Variants in LGI3 observed in about 807,000 individuals in gnomAD.
The protein encoded by LGI3 is leucine rich repeat LGI family member 3, also known as leucine-rich repeat LGI family member 3.
A neutral mutation model predicts 55.4 loss-of-function variants in LGI3; 47 were observed. The ratio of observed to expected loss-of-function variants is 0.85; its 90% confidence interval spans 0.67 to 1.08. The LOEUF (loss-of-function observed/expected upper bound fraction) is 1.08. Among genes scored for constraint, LGI3 ranks in the 50% least tolerant of loss-of-function variants. LGI3 has a pLI of 0.00. For missense variants in LGI3, 664 were observed against 726.3 expected, an observed-to-expected ratio of 0.91 and a Z score of 0.99; for synonymous variants, 326 against 315.0, an observed-to-expected ratio of 1.04 and a Z score of -0.37.
rs1827504005 is a variant in LGI3 at position 22,156,480 on chromosome 8, G to T, written c.63C>A (p.Gly21=). The T allele has an allele frequency of 5.5e-6, 8 of 1,441,450 alleles. No individual in the cohort carries two copies. The highest frequency in any genetic ancestry group is 7.3e-6 in the Non-Finnish European group (8 of 1,098,978). The allele number at this position is 1,441,450 out of a possible 1,614,324, so 89.3% of individuals were successfully genotyped here. A position where few individuals can be genotyped will look rare whatever the true frequency, so the allele number is the denominator to read the frequency against. ...GPGLLALSAL[G]FCLMLQVSAK... ...CGCTGACTTGCAGCATGAGGCAGAA[G>T]CCGAGCGCGGAGAGCGCCAGCAGCC... The change falls in exon 1 of 8, where the codon GGC becomes GGA. Residue 21 remains glycine, a synonymous_variant. Coordinates refer to ENST00000306317, the MANE Select transcript of LGI3 (RefSeq NM_139278.4).
In LGI3 at chr8:22,148,041, A is replaced by T. The variant is rs1827327818; in HGVS notation, c.*119T>A. The T allele has an allele frequency of 3.6e-6, 3 of 841,374 alleles. No individual in the cohort carries two copies. The East Asian group carries it at 7.3e-5, about 20-fold the overall frequency. 52.1% of individuals were successfully genotyped at this position (841,374 alleles called of 1,614,324 possible). A position where few individuals can be genotyped will look rare whatever the true frequency, so the allele number is the denominator to read the frequency against. ...GCCTGTACACACTGGGCGTGTGCGG[A>T]TACAAGGGCATGAATGCAGGTTGGT... On this transcript the variant is annotated 3_prime_UTR_variant, in exon 8 of 8. Coordinates refer to ENST00000306317, the MANE Select transcript of LGI3 (RefSeq NM_139278.4). The surrounding 1 kb of genome is among the most constrained non-coding windows in gnomAD (Gnocchi z 7.0).
At chr8:22,155,093 G>C in intron 2 of LGI3, 1 of 476,510 alleles carries the variant, frequency 2.1e-6, no homozygotes, top group South Asian at 2.5e-5. Flanking sequence ...CCCACCTTGG[G>C]CACTAGCCCA....
At position 22,156,323 on chromosome 8, in the gene LGI3, G is replaced by T. The variant is rs1827499022; in HGVS notation, c.206+14C>A. 2 of 1,610,470 alleles carry T rather than the reference G, an allele frequency of 1.2e-6. No individual in the cohort carries two copies. Among genetic ancestry groups the T allele is most frequent in the Non-Finnish European group, 1.7e-6 (2 of 1,179,212 alleles). ...CTCCCTCCCCAACCCCCAAGGCCAG[G>T]GCTGGACACTCACAGGGAGATGACC... On this transcript the variant is annotated intron_variant, in intron 1 of 7. Coordinates refer to ENST00000306317, the MANE Select transcript of LGI3 (RefSeq NM_139278.4).
Position 22,148,585 on chromosome 8 carries a change from G to T in LGI3, c.1222C>A (p.Gln408Lys). 1 of 1,613,922 alleles carries T rather than the reference G, an allele frequency of 6.2e-7. No individual in the cohort carries two copies. ...TCACCCTGGGCCACAAACTGCTTCTGGGTGCGACTCCACTGATAGATGACG... is the reference window on the plus strand; with the variant it reads ...TCACCCTGGGCCACAAACTGCTTCTTGGTGCGACTCCACTGATAGATGACG... ...APVIYQWSRT[Q>K]KQFVAQGEVT... Residue 408 changes from glutamine (Q) to lysine (K), a missense_variant, in exon 8 of 8, where the codon CAG (glutamine) becomes AAG (lysine). Gln to Lys is a moderately conservative substitution (Grantham distance 53, BLOSUM62 1). Transcript: ENST00000306317. This position sits in a 1 kb window ranked among gnomAD's most constrained non-coding sequence, Gnocchi z 7.0.
chr8:22,150,242 G>A (rs748090480), intron 7 of LGI3, among the ~76,000 whole-genome samples: 1 of 151,960 alleles, frequency 6.6e-6, no homozygotes, highest in Admixed American at 6.6e-5. Context: ...TTAGGAGAAG[G>A]TGTTTTGTTT....
At chr8:22,154,433 G>A in intron 3 of LGI3, 127 bp downstream of exon 3, 1 of 888,126 alleles carries the variant, frequency 1.1e-6, no homozygotes, top group Non-Finnish European at 1.9e-6. Flanking sequence ...GGATGCAAGG[G>A]CTCTCGCCTC....
chr8:22,154,386 G>T, intron 3 of LGI3, 173 bp from the exon 4 acceptor site: 2 of 773,682 alleles, frequency 2.6e-6, no homozygotes. Flanking sequence ...GAGGCAAAAT[G>T]AATGAAACGA....
chr8:22,154,133 C>T lies in LGI3; in HGVS notation c.422+9G>A, dbSNP rs765325212. On this transcript the variant is annotated intron_variant, in intron 4 of 7. Transcript: ENST00000306317. Reference sequence around the variant, plus strand: ...TTTGGTGCAGTGTGTGTATGTGTGACGTACTCACAGGTGAGTCAAGGACTT... The same window carrying T: ...TTTGGTGCAGTGTGTGTATGTGTGATGTACTCACAGGTGAGTCAAGGACTT... The T allele has an allele frequency of 1.1e-5, 17 of 1,611,926 alleles. No homozygotes were observed. The highest frequency in any genetic ancestry group is 2.2e-5 in the South Asian group (2 of 91,054).
Position 22,148,568 on chromosome 8 carries a change from G to A in LGI3, c.1239C>T (p.Ala413=), listed in dbSNP as rs550293139. ...CAGGCACCTGGGTCACCTCACCCTG[G>A]GCCACAAACTGCTTCTGGGTGCGAC... ...QWSRTQKQFV[A]QGEVTQVPDA... Residue 413 remains alanine (A), a synonymous_variant, in exon 8 of 8, where the codon GCC becomes GCT. Coordinates refer to ENST00000306317, the MANE Select transcript of LGI3 (RefSeq NM_139278.4). The surrounding 1 kb of genome is among the most constrained non-coding windows in gnomAD (Gnocchi z 7.0). The A allele has an allele frequency of 4.3e-6, 7 of 1,613,864 alleles. No individual in the cohort carries two copies. The South Asian group carries it at 7.7e-5, about 18-fold the overall frequency.
Position 22,147,016 on chromosome 8 carries a change from C to G in LGI3, c.*1144G>C, listed in dbSNP as rs1827310135. On this transcript the variant is annotated 3_prime_UTR_variant, in exon 8 of 8. Coordinates refer to ENST00000306317, the MANE Select transcript of LGI3 (RefSeq NM_139278.4). ...CTAGTGGGGCCCCTCCCACCAGGCCCCACCCGGTCCACTGAAAGGCAGTGC... is the reference window on the plus strand; with the variant it reads ...CTAGTGGGGCCCCTCCCACCAGGCCGCACCCGGTCCACTGAAAGGCAGTGC... 6.6e-6 allele frequency: 1 copy of G among 152,238 alleles called. No homozygotes were observed. Among genetic ancestry groups the G allele is most frequent in the Non-Finnish European group, 1.5e-5 (1 of 68,072 alleles). The allele number at this position is 152,238 out of a possible 1,614,324, so 9.4% of individuals were successfully genotyped here.
intron 5 of LGI3, 130 bp downstream of exon 5, chr8:22,153,838 A>G: frequency 5.6e-6 from 5 of 889,954 alleles, no homozygotes; most frequent in Non-Finnish European, 9.2e-6. Context: ...TCACCTCCTC[A>G]GGGTCCCCCC....
At chr8:22,149,682 T>C (rs1366862351) in intron 7 of LGI3, among the ~76,000 whole-genome samples, 1 of 152,146 alleles carries the variant, frequency 6.6e-6, no homozygotes, top group African/African-American at 2.4e-5. Flanking sequence ...CATACACTGC[T>C]CACCTGTCCC....
rs1827326502 is a variant in LGI3 at position 22,147,955 on chromosome 8, C to G, written c.*205G>C. Reference sequence around the variant, plus strand: ...CTGGGCGTTAGGTGTCCCAGGGGTGCCTGGTGTTCATGCTGATTGCAGTGA... The same window carrying G: ...CTGGGCGTTAGGTGTCCCAGGGGTGGCTGGTGTTCATGCTGATTGCAGTGA... On this transcript the variant is annotated 3_prime_UTR_variant, in exon 8 of 8. Transcript: ENST00000306317. 2 of 560,284 alleles carry G rather than the reference C, an allele frequency of 3.6e-6. No individual in the cohort carries two copies. The highest frequency in any genetic ancestry group is 6.3e-6 in the Non-Finnish European group (2 of 318,722). The allele number at this position is 560,284 out of a possible 1,614,324, so 34.7% of individuals were successfully genotyped here. A position where few individuals can be genotyped will look rare whatever the true frequency, so the allele number is the denominator to read the frequency against.
intron 1 of LGI3, among the ~76,000 whole-genome samples, chr8:22,155,746 T>C (rs1243663028): frequency 6.6e-6 from 1 of 152,236 alleles, no homozygotes; most frequent in Non-Finnish European, 1.5e-5. Flanking sequence ...GTCATCATCA[T>C]CCAAACACCC....
rs996763846 is a variant in LGI3, at chr8:22,148,037, G to A, written c.*123C>T. ...GTGCGCCTGTACACACTGGGCGTGT[G>A]CGGATACAAGGGCATGAATGCAGGT... On this transcript the variant is annotated 3_prime_UTR_variant, in exon 8 of 8. Transcript: ENST00000306317. The surrounding 1 kb of genome is among the most constrained non-coding windows in gnomAD (Gnocchi z 7.0). 2.2e-5 allele frequency: 18 copies of A among 811,292 alleles called. No individual in the cohort carries two copies. Among genetic ancestry groups the A allele is most frequent in the Non-Finnish European group, 3.6e-5 (18 of 505,528 alleles). 50.3% of individuals were successfully genotyped at this position (811,292 alleles called of 1,614,324 possible). A position where few individuals can be genotyped will look rare whatever the true frequency, so the allele number is the denominator to read the frequency against.
chr8:22,151,380 T>C lies in LGI3; in HGVS notation c.829+109A>G, dbSNP rs1008069241. 4.9e-6 allele frequency: 5 copies of C among 1,021,146 alleles called. No individual in the cohort carries two copies. The Admixed American group carries it at 8.0e-5, about 16-fold the overall frequency. The allele number at this position is 1,021,146 out of a possible 1,614,324, so 63.3% of individuals were successfully genotyped here. On this transcript the variant is annotated intron_variant, in intron 7 of 7. Coordinates refer to ENST00000306317, the MANE Select transcript of LGI3 (RefSeq NM_139278.4). ...CTGGAAAGTTCTTGTGGGCAGAGGG[T>C]ATGTCTCATCTATCCCTCTACCTAC...
chr8:22,151,457 A>T, intron 7 of LGI3, 32 bp downstream of exon 7: 1 of 1,608,850 alleles, frequency 6.2e-7, no homozygotes, highest in South Asian at 1.1e-5. Context: ...CCCCCTAGCA[A>T]GGGCCAGCAG....
intron 3 of LGI3, 154 bp downstream of exon 3, chr8:22,154,406 C>A: frequency 1.3e-6 from 1 of 795,454 alleles, no homozygotes. Context: ...ACCTTCTGCT[C>A]AGGTCCTGCC....
intron 7 of LGI3, 73 bp from the exon 8 acceptor site, chr8:22,149,050 GC>G: frequency 9.0e-7 from 1 of 1,108,802 alleles, no homozygotes; most frequent in Non-Finnish European, 1.3e-6. Context: ...CTTGGAGAAG[GC>G]CAGTCCCTTC....
Sources: allele counts gnomAD v4.1 joint callset (sites outside exome capture counted in the v4.1 genomes callset), GRCh38; gene constraint gnomAD v4.1.1; non-coding constraint Gnocchi (gnomAD v3.1); transcripts MANE v1.5; gene names NCBI Gene and HGNC (gene_info 2026-07-23, HGNC 2026-07-21).